Variants in CTNNB1 observed in about 807,000 individuals in gnomAD.
CTNNB1 encodes the protein catenin beta 1.
In CTNNB1, 6 loss-of-function variants were observed where a neutral mutation model predicts 82.5. The observed-to-expected ratio is 0.07, with a 90% confidence interval of 0.04 to 0.14. The LOEUF (loss-of-function observed/expected upper bound fraction) is 0.14, where lower values mean the gene tolerates loss of function less well. Ranked by LOEUF, CTNNB1 falls within the 10% of genes least tolerant of loss-of-function variation. CTNNB1 has a pLI of 1.00. For synonymous variants in CTNNB1, 312 were observed against 329.7 expected (o/e 0.95, Z 0.58); for missense variants, 529 against 980.4 (o/e 0.54, Z 6.15).
intron 1 of CTNNB1, chr3:41,220,950 G>A (rs2078034232): frequency 6.6e-6 from 1 of 152,138 alleles, no homozygotes; most frequent in Non-Finnish European, 1.5e-5. Flanking sequence ...CATTGACTTT[G>A]ACTGGAGACA....
At chr3:41,209,189 G>T (rs1376405851) in intron 1 of CTNNB1, among the ~76,000 whole-genome samples, 2 of 152,098 alleles carry the variant, frequency 1.3e-5, no homozygotes, top group Admixed American at 1.3e-4. Flanking sequence ...TGTTGGAGTG[G>T]CTGAAGGTTT....
intron 7 of CTNNB1, among the ~76,000 whole-genome samples, chr3:41,228,828 G>T (rs1285113108): frequency 6.6e-6 from 1 of 152,142 alleles, no homozygotes; most frequent in African/African-American, 2.4e-5. Flanking sequence ...GTATTTCCTA[G>T]GTTATCTTGC....
intron 7 of CTNNB1, among the ~76,000 whole-genome samples, chr3:41,232,260 G>A (rs1223340581): frequency 1.3e-5 from 2 of 152,098 alleles, no homozygotes; most frequent in African/African-American, 2.4e-5. Flanking sequence ...GTAAAGGGAG[G>A]GAATGAAGTC....
At chr3:41,205,852 C>T (rs797009261) in intron 1 of CTNNB1, among the ~76,000 whole-genome samples, 96 of 152,290 alleles carry the variant, frequency 6.3e-4, no homozygotes, top group African/African-American at 2.2e-3. Flanking sequence ...GTGAACCATT[C>T]ATGAAACATT....
intron 10 of CTNNB1, 55 bp downstream of exon 10, chr3:41,234,352 A>C: frequency 6.3e-7 from 1 of 1,584,592 alleles, no homozygotes; most frequent in Non-Finnish European, 8.7e-7. Flanking sequence ...CATAAATCCA[A>C]AGGATCCTGA....
At chr3:41,223,019 C>T (rs1257322640) in intron 1 of CTNNB1, among the ~76,000 whole-genome samples, 5 of 152,052 alleles carry the variant, frequency 3.3e-5, no homozygotes, top group Admixed American at 3.3e-4. Flanking sequence ...TGCAGTGAGC[C>T]CAGTATGCAC....
Position 41,239,431 on chromosome 3 carries a change from A to G in CTNNB1, c.*89A>G. 8.3e-7 allele frequency: 1 copy of G among 1,201,970 alleles called. No individual in the cohort carries two copies. Among genetic ancestry groups the G allele is most frequent in the Non-Finnish European group, 1.2e-6 (1 of 832,768 alleles). The allele number at this position is 1,201,970 out of a possible 1,614,324, so 74.5% of individuals were successfully genotyped here. A position where few individuals can be genotyped will look rare whatever the true frequency, so the allele number is the denominator to read the frequency against. On this transcript the variant is annotated 3_prime_UTR_variant, in exon 15 of 15. Coordinates refer to ENST00000349496, the MANE Select transcript of CTNNB1 (RefSeq NM_001904.4). Reference sequence around the variant, plus strand: ...AGAACTTCAGAAAGACTTGGTTGGTAGGGTGGGAGTGGTTTAGGCTATTTG... The same window carrying G: ...AGAACTTCAGAAAGACTTGGTTGGTGGGGTGGGAGTGGTTTAGGCTATTTG...
rs763403614 is a variant in CTNNB1 at position 41,236,715 on chromosome 3, GA to G, written c.2076+9del. Reference sequence around the variant, plus strand: ...AGCCAATGGCTTGGAATGAGGTAGGGAAATGTGAGCAGTTATTTATCTGGTA... The same window carrying G: ...AGCCAATGGCTTGGAATGAGGTAGGGAATGTGAGCAGTTATTTATCTGGTA... On this transcript the variant is annotated splice_region_variant and intron_variant, in intron 13 of 14. Coordinates refer to ENST00000349496, the MANE Select transcript of CTNNB1 (RefSeq NM_001904.4). 5 of 1,613,952 alleles carry G rather than the reference GA, an allele frequency of 3.1e-6. No homozygotes were observed. In the Admixed American group the frequency reaches 8.3e-5, roughly 27 times the overall value.
intron 1 of CTNNB1, chr3:41,222,354 G>C (rs1370199312): frequency 6.6e-6 from 1 of 152,232 alleles, no homozygotes; most frequent in Non-Finnish European, 1.5e-5. Context: ...AGGTGAGTGA[G>C]TCTATGCTGT....
chr3:41,202,614 T>C (rs2125582963), intron 1 of CTNNB1, among the ~76,000 whole-genome samples: 1 of 152,286 alleles, frequency 6.6e-6, no homozygotes, highest in East Asian at 1.9e-4. Flanking sequence ...CCTTGTACTC[T>C]CATTGAGAAG....
chr3:41,199,534 G>C lies in CTNNB1; in HGVS notation c.-185G>C, dbSNP rs1035431366. ...CTCTCGGTCTGTGGCAGCAGCGTTG[G>C]CCCGGCCCCGGGAGCGGAGAGCGAG... is the stretch of plus-strand genomic sequence containing the variant. On this transcript the variant is annotated 5_prime_UTR_variant, in exon 1 of 15. Coordinates refer to ENST00000349496, the MANE Select transcript of CTNNB1 (RefSeq NM_001904.4). The C allele has an allele frequency of 2.6e-5, 4 of 153,404 alleles. No individual in the cohort carries two copies. The highest frequency in any genetic ancestry group is 9.6e-5 in the African/African-American group (4 of 41,570). The allele number at this position is 153,404 out of a possible 1,614,324, so 9.5% of individuals were successfully genotyped here.
chr3:41,199,612 C>T lies in CTNNB1; in HGVS notation c.-107C>T, dbSNP rs1256263564. 1.3e-5 allele frequency: 2 copies of T among 152,394 alleles called. No individual in the cohort carries two copies. Among genetic ancestry groups the T allele is most frequent in the Non-Finnish European group, 2.9e-5 (2 of 68,308 alleles). 9.4% of individuals were successfully genotyped at this position (152,394 alleles called of 1,614,324 possible). On this transcript the variant is annotated 5_prime_UTR_variant, in exon 1 of 15. Coordinates refer to ENST00000349496, the MANE Select transcript of CTNNB1 (RefSeq NM_001904.4). ...GGAGCAGCTTCAGTCCCCGCCGAGC[C>T]GCCACCGCAGGTCGAGGACGGTCGG... is the stretch of plus-strand genomic sequence containing the variant.
chr3:41,240,354 C>T lies in CTNNB1; in HGVS notation c.*1012C>T, dbSNP rs1482738481. ...GGACAGTTTACCAGTTGCCTTTTAT[C>T]CCAAAGTTGTTGTAACCTGCTGTGA... On this transcript the variant is annotated 3_prime_UTR_variant, in exon 15 of 15. Transcript: ENST00000349496. 4.8e-5 allele frequency: 9 copies of T among 188,302 alleles called. No homozygotes were observed. Among genetic ancestry groups the T allele is most frequent in the Non-Finnish European group, 1.0e-4 (9 of 89,156 alleles). 11.7% of individuals were successfully genotyped at this position (188,302 alleles called of 1,614,324 possible). A position where few individuals can be genotyped will look rare whatever the true frequency, so the allele number is the denominator to read the frequency against.
intron 1 of CTNNB1, among the ~76,000 whole-genome samples, chr3:41,201,362 G>T (rs1051717202): frequency 6.6e-6 from 1 of 151,842 alleles, no homozygotes; most frequent in Non-Finnish European, 1.5e-5. Context: ...TAAAAAAAAA[G>T]TACCCTTAAA....
Position 41,225,495 on chromosome 3 carries a change from T to C in CTNNB1, c.657T>C (p.His219=), listed in dbSNP as rs2078155658. The part of the protein sequence containing the change: ...ETARCTAGTL[H]NLSHHREGLL... ...CTCGTTGTACCGCTGGGACCTTGCATAACCTTTCCCATCATCGTGAGGGCT... is the reference window on the plus strand; with the variant it reads ...CTCGTTGTACCGCTGGGACCTTGCACAACCTTTCCCATCATCGTGAGGGCT... Residue 219 remains histidine (H), a synonymous_variant, in exon 5 of 15, where the codon CAT becomes CAC. Transcript: ENST00000349496. The surrounding 1 kb of genome is among the most constrained non-coding windows in gnomAD (Gnocchi z 5.3). 1 of 1,614,064 alleles carries C rather than the reference T, an allele frequency of 6.2e-7. No individual in the cohort carries two copies. The highest frequency in any genetic ancestry group is 1.7e-5 in the Admixed American group (1 of 59,936).
Position 41,232,332 on chromosome 3 carries a change from C to T in CTNNB1, c.1082-1009C>T, listed in dbSNP as rs149932095. ...CTGAGCATCCTGATCATCAGTCTTA[C>T]GCAGATCATTCTATTAGTAGCTGGA... On this transcript the variant is annotated intron_variant, in intron 7 of 14. Coordinates refer to ENST00000349496, the MANE Select transcript of CTNNB1 (RefSeq NM_001904.4). Among the ~76,000 whole-genome samples, 36 of 152,194 alleles carry T rather than the reference C, an allele frequency of 2.4e-4. No individual in the cohort carries two copies. The South Asian group carries it at 6.9e-3, about 29-fold the overall frequency.
chr3:41,206,087 A>G (rs1422641473), intron 1 of CTNNB1, among the ~76,000 whole-genome samples: 1 of 152,002 alleles, frequency 6.6e-6, no homozygotes, highest in Non-Finnish European at 1.5e-5. Flanking sequence ...TTTCTCCCCT[A>G]TTTATTTCCA....
chr3:41,211,059 C>T (rs753361239), intron 1 of CTNNB1: 6 of 456,540 alleles, frequency 1.3e-5, no homozygotes, highest in South Asian at 9.3e-5. Flanking sequence ...TCACAAAGTG[C>T]GAGGATTACA....
intron 8 of CTNNB1, 25 bp from the exon 9 acceptor site, chr3:41,233,504 T>C (rs2125638443): frequency 6.2e-7 from 1 of 1,613,592 alleles, no homozygotes; most frequent in Non-Finnish European, 8.5e-7. Flanking sequence ...GTGCTTGTAC[T>C]GACCATCTGT....
Sources: gnomAD v4.1 joint callset for allele counts (sites outside exome capture counted in the v4.1 genomes callset) on GRCh38, gnomAD v4.1.1 for gene constraint, Gnocchi (gnomAD v3.1) non-coding constraint, MANE v1.5 for transcripts, NCBI Gene and HGNC (gene_info 2026-07-23, HGNC 2026-07-21) for gene names.